The following KCMF1 variants were observed in gnomAD, a reference collection of about 807,000 sequenced individuals.
KCMF1 encodes the protein E3 ubiquitin-protein ligase KCMF1.
A neutral mutation model predicts 41.1 loss-of-function variants in KCMF1; 3 were observed. That is an observed-to-expected ratio of 0.07 (90% CI 0.03 to 0.19). KCMF1 has a LOEUF of 0.19. Ranked by LOEUF, KCMF1 falls within the 10% of genes least tolerant of loss-of-function variation. The pLI, the probability that KCMF1 is intolerant of heterozygous loss-of-function variation, is 1.00. For synonymous variants in KCMF1, 142 were observed against 164.5 expected, an observed-to-expected ratio of 0.86 and a Z score of 1.04; for missense variants, 286 against 488.9, an observed-to-expected ratio of 0.58 and a Z score of 3.91.
At chr2:85,017,280 C>G (rs547988782) in intron 1 of KCMF1, among the ~76,000 whole-genome samples, 2 of 152,050 alleles carry the variant, frequency 1.3e-5, no homozygotes, top group South Asian at 4.1e-4. Flanking sequence ...CCCGCTTCGG[C>G]CTCCCAAAGT....
At chr2:85,033,777 A>G (rs1353178276) in intron 2 of KCMF1, among the ~76,000 whole-genome samples, 1 of 152,204 alleles carries the variant, frequency 6.6e-6, no homozygotes, top group Non-Finnish European at 1.5e-5. Context: ...TTCAAACCAT[A>G]GCAATTACCT....
At chr2:85,044,709 G>A (rs1048930439) in intron 4 of KCMF1, among the ~76,000 whole-genome samples, 33 of 151,996 alleles carry the variant, frequency 2.2e-4, no homozygotes, top group African/African-American at 7.7e-4. Flanking sequence ...AGTAGAGATG[G>A]GGTTTCACCA....
At chr2:85,010,871 G>A (rs916181155) in intron 1 of KCMF1, among the ~76,000 whole-genome samples, 1 of 148,526 alleles carries the variant, frequency 6.7e-6, no homozygotes, top group African/African-American at 2.5e-5. Flanking sequence ...TTGAGACGGA[G>A]TCTCACTGTG....
intron 1 of KCMF1, among the ~76,000 whole-genome samples, chr2:84,998,568 CTTAT>C (rs55809220): frequency 3.8e-4 from 58 of 151,166 alleles, no homozygotes; most frequent in African/African-American, 8.2e-4. Flanking sequence ...GAGCCAACGC[CTTAT>C]TTATTTATTT....
intron 2 of KCMF1, among the ~76,000 whole-genome samples, chr2:85,034,136 G>A (rs557237063): frequency 8.0e-4 from 122 of 152,226 alleles, no homozygotes; most frequent in Non-Finnish European, 1.3e-3. Flanking sequence ...TGAGTCTGCA[G>A]TGAGCTGTGA....
chr2:85,019,300 A>C (rs1165541101), intron 1 of KCMF1, among the ~76,000 whole-genome samples: 1 of 152,180 alleles, frequency 6.6e-6, no homozygotes, highest in Non-Finnish European at 1.5e-5. Flanking sequence ...TCTGTGTCAT[A>C]AAATGACACA....
chr2:85,021,345 C>T (rs928623116), intron 1 of KCMF1, among the ~76,000 whole-genome samples: 3 of 152,094 alleles, frequency 2.0e-5, no homozygotes, highest in Admixed American at 6.5e-5. Flanking sequence ...TTACTGCAGC[C>T]GGGCGCGGTG....
In KCMF1 at chr2:85,046,064, C is replaced by T. The variant is rs1278518938; in HGVS notation, c.427-40C>T. On this transcript the variant is annotated intron_variant, in intron 4 of 6. Transcript: ENST00000409785. ...AGGACTCAGGTGATTTTTTTTCTTT[C>T]TGTGAAATACTTTCGTTTTTTTCTT... is the stretch of plus-strand genomic sequence containing the variant. The T allele has an allele frequency of 7.8e-6, 12 of 1,532,242 alleles. No individual in the cohort carries two copies. In the Admixed American group the frequency reaches 8.4e-5, roughly 11 times the overall value. 94.9% of individuals were successfully genotyped at this position (1,532,242 alleles called of 1,614,324 possible). A position where few individuals can be genotyped will look rare whatever the true frequency, so the allele number is the denominator to read the frequency against.
At chr2:85,044,476 A>G (rs1027545621) in intron 4 of KCMF1, among the ~76,000 whole-genome samples, 2 of 152,072 alleles carry the variant, frequency 1.3e-5, no homozygotes, top group African/African-American at 2.4e-5. Flanking sequence ...CCTGGATTCA[A>G]GTAATTCTCC....
chr2:85,026,502 T>TTA (rs1220856759), intron 1 of KCMF1, among the ~76,000 whole-genome samples: 2 of 149,538 alleles, frequency 1.3e-5, no homozygotes, highest in African/African-American at 4.9e-5. Context: ...ATTATTTTTA[T>TTA]TTTTTCCAGA....
intron 1 of KCMF1, among the ~76,000 whole-genome samples, chr2:84,977,811 A>G (rs1386153643): frequency 6.6e-6 from 1 of 152,112 alleles, no homozygotes; most frequent in Non-Finnish European, 1.5e-5. Flanking sequence ...AAAATGAATC[A>G]CATTTTAATT....
chr2:84,976,238 G>A (rs921016435), intron 1 of KCMF1, among the ~76,000 whole-genome samples: 12 of 139,500 alleles, frequency 8.6e-5, no homozygotes, highest in African/African-American at 3.3e-4. Flanking sequence ...ACAGAGTCTC[G>A]CTCTGTCGCC....
In KCMF1 at chr2:85,049,536, A is replaced by G. The variant is rs1156866228; in HGVS notation, c.772A>G (p.Thr258Ala). The G allele has an allele frequency of 1.2e-6, 2 of 1,614,048 alleles. No homozygotes were observed. The highest frequency in any genetic ancestry group is 1.7e-6 in the Non-Finnish European group (2 of 1,179,898). Residue 258 changes from threonine to alanine, a missense_variant, in exon 6 of 7, where the codon ACT becomes GCT. This residue lies in a region of KCMF1 where 191 missense variants were observed against 279.3 expected (regional missense o/e 0.68). Transcript: ENST00000409785. ...LETARNATRR[T>A]NTSSVTTTIT... ...GACCGCACGCAACGCAACCCGGCGT[A>G]CTAACACAAGCAGTGTCACCACTAC...
chr2:85,002,788 T>C (rs1674367419), intron 1 of KCMF1, among the ~76,000 whole-genome samples: 1 of 152,178 alleles, frequency 6.6e-6, no homozygotes, highest in Non-Finnish European at 1.5e-5. Flanking sequence ...CCCAGCTCTT[T>C]TGCTGAACAG....
chr2:85,019,463 A>G (rs753916833), intron 1 of KCMF1, among the ~76,000 whole-genome samples: 38 of 152,248 alleles, frequency 2.5e-4, no homozygotes, highest in Non-Finnish European at 5.1e-4. Context: ...AAAATTAAAT[A>G]TTAACTTCAA....
At chr2:84,981,718 A>G (rs957120957) in intron 1 of KCMF1, among the ~76,000 whole-genome samples, 4 of 152,078 alleles carry the variant, frequency 2.6e-5, no homozygotes, top group African/African-American at 9.7e-5. Context: ...CCTACTCAGC[A>G]AAGTAAAGGG....
intron 1 of KCMF1, among the ~76,000 whole-genome samples, chr2:84,972,418 T>G (rs1307812394): frequency 6.6e-6 from 1 of 152,260 alleles, no homozygotes; most frequent in African/African-American, 2.4e-5. Context: ...TAACTTTAAT[T>G]TATTGCCATA....
At chr2:85,039,402 G>T (rs760124715) in intron 3 of KCMF1, among the ~76,000 whole-genome samples, 38 of 152,056 alleles carry the variant, frequency 2.5e-4, no homozygotes, top group African/African-American at 9.2e-4. Context: ...GTTGATAATT[G>T]TATGGGGAAA....
intron 1 of KCMF1, among the ~76,000 whole-genome samples, chr2:85,025,355 T>C (rs1054276035): frequency 6.6e-6 from 1 of 152,226 alleles, no homozygotes; most frequent in Non-Finnish European, 1.5e-5. Context: ...TATTTTTTTA[T>C]TGCAGTAAAA....
Sources: allele counts gnomAD v4.1 joint callset (sites outside exome capture counted in the v4.1 genomes callset), GRCh38; gene constraint gnomAD v4.1.1; regional missense constraint gnomAD v4.1.1; transcripts MANE v1.5; gene names NCBI Gene and HGNC (gene_info 2026-07-23, HGNC 2026-07-21).